The following TENM3 variants were observed in gnomAD, a reference collection of about 807,000 sequenced individuals.
TENM3 encodes teneurin-3.
Under a neutral mutation model 255.1 loss-of-function variants are expected in TENM3, and 63 were observed. The ratio of observed to expected loss-of-function variants is 0.25; its 90% CI spans 0.20 to 0.30. The LOEUF is 0.30. TENM3 is among the 10% of genes least tolerant of loss of function. The probability of loss-of-function intolerance (pLI) is 1.00; values close to 1 mark genes in which losing one functional copy is unlikely to be tolerated. For synonymous variants in TENM3, 1,306 were observed against 1,322.3 expected (o/e 0.99, Z 0.27); for missense variants, 2,929 against 3,461.1 (o/e 0.85, Z 3.86).
intron 24 of TENM3, among the ~76,000 whole-genome samples, chr4:182,784,046 A>T (rs59607946): frequency 0.088 from 13,322 of 151,884 alleles, 2,005 homozygotes; most frequent in African/African-American, 0.3. Flanking sequence ...GACGCCTTCT[A>T]CTCTCAGCTC....
At chr4:181,742,984 T>C in the TENM3 span, among the ~76,000 whole-genome samples, 4 of 151,738 alleles carry the variant, frequency 2.6e-5, no homozygotes, top group East Asian at 7.7e-4. Context: ...ATTTCATCCA[T>C]GTCCCTACAA....
chr4:181,640,396 G>A, the TENM3 span, among the ~76,000 whole-genome samples: 1 of 152,154 alleles, frequency 6.6e-6, no homozygotes, highest in African/African-American at 2.4e-5. Context: ...TTTCTTCCAG[G>A]TTTGACTCAC....
chr4:182,389,289 T>G (rs1342662778), intron 3 of TENM3, among the ~76,000 whole-genome samples: 1 of 151,904 alleles, frequency 6.6e-6, no homozygotes, highest in African/African-American at 2.4e-5. Context: ...CTACAAACTC[T>G]CTGCTCAGAA....
At chr4:182,442,813 CAT>C (rs372983416) in intron 3 of TENM3, among the ~76,000 whole-genome samples, 14 of 143,340 alleles carry the variant, frequency 9.8e-5, no homozygotes, top group African/African-American at 2.9e-4. Context: ...TGTATATACA[CAT>C]ATATATACAT....
chr4:182,765,096 T>C (rs1763576198), intron 22 of TENM3, among the ~76,000 whole-genome samples: 1 of 151,826 alleles, frequency 6.6e-6, no homozygotes, highest in South Asian at 2.1e-4. Flanking sequence ...TCGTAAATTA[T>C]GACTTTGAGA....
intron 13 of TENM3, among the ~76,000 whole-genome samples, chr4:182,722,407 A>G (rs937019004): frequency 1.1e-4 from 17 of 152,202 alleles, no homozygotes; most frequent in Non-Finnish European, 2.4e-4. Flanking sequence ...CAAATGTATT[A>G]AATGCCTACT....
At chr4:182,526,798 A>C (rs1739238725) in intron 3 of TENM3, among the ~76,000 whole-genome samples, 1 of 152,194 alleles carries the variant, frequency 6.6e-6, no homozygotes. Flanking sequence ...ATTCATTAAC[A>C]TAGACAGGTA....
chr4:182,357,406 C>A (rs74988083), intron 3 of TENM3, among the ~76,000 whole-genome samples: 1 of 152,008 alleles, frequency 6.6e-6, no homozygotes, highest in Non-Finnish European at 1.5e-5. Flanking sequence ...TAATGATTGC[C>A]ATTCTAACTG....
At chr4:182,343,178 C>T (rs564300148) in intron 2 of TENM3, among the ~76,000 whole-genome samples, 39 of 152,246 alleles carry the variant, frequency 2.6e-4, no homozygotes, top group African/African-American at 8.9e-4. Flanking sequence ...ACAAAAATGC[C>T]TAATATAATC....
the TENM3 span, among the ~76,000 whole-genome samples, chr4:182,050,139 C>G: frequency 6.6e-6 from 1 of 152,076 alleles, no homozygotes; most frequent in South Asian, 2.1e-4. Context: ...ATTACAGACA[C>G]CTGCCACCAC....
the TENM3 span, among the ~76,000 whole-genome samples, chr4:181,702,605 G>A: frequency 1.3e-5 from 2 of 152,088 alleles, no homozygotes; most frequent in Admixed American, 1.3e-4. Context: ...TTTGCAAAGA[G>A]CTTATTGATT....
At chr4:182,603,325 A>G (rs374693560) in intron 4 of TENM3, among the ~76,000 whole-genome samples, 1 of 152,186 alleles carries the variant, frequency 6.6e-6, no homozygotes, top group African/African-American at 2.4e-5. Context: ...CAGGGAGGAA[A>G]TCAACCGCTG....
At chr4:182,511,778 A>T (rs957475714) in intron 3 of TENM3, among the ~76,000 whole-genome samples, 1 of 152,344 alleles carries the variant, frequency 6.6e-6, no homozygotes, top group East Asian at 1.9e-4. Context: ...AATTAGGATC[A>T]TATAAATAAA....
chr4:182,418,079 C>T (rs930311108), intron 3 of TENM3, among the ~76,000 whole-genome samples: 7 of 151,860 alleles, frequency 4.6e-5, no homozygotes, highest in Non-Finnish European at 1.0e-4. Context: ...TGTGCAGGTG[C>T]TAACATAAAA....
intron 3 of TENM3, among the ~76,000 whole-genome samples, chr4:182,375,698 C>T (rs1767137227): frequency 6.6e-6 from 1 of 152,092 alleles, no homozygotes; most frequent in Non-Finnish European, 1.5e-5. Flanking sequence ...CAGGCCACCA[C>T]ACCTGGCTAA....
chr4:182,798,966 T>C (rs140569868), intron 27 of TENM3, among the ~76,000 whole-genome samples: 1 of 152,296 alleles, frequency 6.6e-6, no homozygotes, highest in African/African-American at 2.4e-5. Flanking sequence ...CGGTCCACTG[T>C]CCCTAAGTCT....
At chr4:182,367,190 A>AG (rs1766486604) in intron 3 of TENM3, among the ~76,000 whole-genome samples, 13 of 152,322 alleles carry the variant, frequency 8.5e-5, no homozygotes, top group African/African-American at 2.9e-4. Flanking sequence ...GTGTAGCAGG[A>AG]CAGCAGTACG....
At chr4:182,651,197 C>T (rs1453467786) in intron 5 of TENM3, among the ~76,000 whole-genome samples, 37 of 151,984 alleles carry the variant, frequency 2.4e-4, no homozygotes, top group Admixed American at 2.4e-3. Flanking sequence ...AAACATTTTA[C>T]TCTATGCAAA....
At chr4:182,564,797 C>T (rs1743601448) in intron 3 of TENM3, among the ~76,000 whole-genome samples, 1 of 152,148 alleles carries the variant, frequency 6.6e-6, no homozygotes, top group Non-Finnish European at 1.5e-5. Flanking sequence ...AATGATCTAA[C>T]ATCTGTTTCT....
Sources: allele counts gnomAD v4.1 joint callset (sites outside exome capture counted in the v4.1 genomes callset), GRCh38; gene constraint gnomAD v4.1.1; transcripts MANE v1.5; gene names NCBI Gene and HGNC (gene_info 2026-07-23, HGNC 2026-07-21).